The following HOMER2 variants were observed in gnomAD, a reference collection of about 807,000 sequenced individuals.
The protein encoded by HOMER2 is homer protein homolog 2.
In HOMER2, 27 loss-of-function variants were observed where a neutral mutation model predicts 47.0. That is an observed-to-expected ratio of 0.57 (90% confidence interval 0.42 to 0.79). HOMER2 has a LOEUF of 0.79. HOMER2 is among the 30% of genes least tolerant of loss of function. The pLI, the probability that HOMER2 is intolerant of heterozygous loss-of-function variation, is 0.00. For synonymous variants in HOMER2, 161 were observed against 163.8 expected (o/e 0.98, Z 0.13); for missense variants, 443 against 435.0 (o/e 1.02, Z -0.16).
intron 6 of HOMER2, 87 bp downstream of exon 6, chr15:82,854,557 G>C (rs1480393706): frequency 1.4e-6 from 2 of 1,404,620 alleles, no homozygotes; most frequent in African/African-American, 1.4e-5. Context: ...GGCAAAGTTG[G>C]GGAGGGAGAA....
chr15:82,869,403 TATG>T (rs1378783988), intron 3 of HOMER2, among the ~76,000 whole-genome samples: 2 of 150,686 alleles, frequency 1.3e-5, no homozygotes, highest in African/African-American at 4.9e-5. Context: ...AAATAAACAA[TATG>T]ATATTAATAC....
chr15:82,901,293 T>C (rs1158233242), intron 1 of HOMER2, among the ~76,000 whole-genome samples: 2 of 151,788 alleles, frequency 1.3e-5, no homozygotes, highest in East Asian at 1.9e-4. Context: ...GGAAAACAAA[T>C]ACAGGCAAAG....
At chr15:82,855,319 C>G (rs763641725) in intron 5 of HOMER2, among the ~76,000 whole-genome samples, 34 of 89,286 alleles carry the variant, frequency 3.8e-4, no homozygotes, top group Non-Finnish European at 6.1e-4. Context: ...AGCGAGACTC[C>G]ATCTCCAAAA....
rs1031679677 is a variant in HOMER2 at position 82,849,362 on chromosome 15, T to C, written c.*353A>G. 1.9e-5 allele frequency: 4 copies of C among 213,356 alleles called. No individual in the cohort carries two copies. The highest frequency in any genetic ancestry group is 9.1e-5 in the African/African-American group (4 of 43,728). The allele number at this position is 213,356 out of a possible 1,614,324, so 13.2% of individuals were successfully genotyped here. A position where few individuals can be genotyped will look rare whatever the true frequency, so the allele number is the denominator to read the frequency against. Reference sequence around the variant, plus strand: ...ATAAAAGGAGCCTGATGGCTTGGTGTAAAGAATATCAATATTTGGATTACA... The same window carrying C: ...ATAAAAGGAGCCTGATGGCTTGGTGCAAAGAATATCAATATTTGGATTACA... On this transcript the variant is annotated 3_prime_UTR_variant, in exon 9 of 9. Coordinates refer to ENST00000450735, the MANE Select transcript of HOMER2 (RefSeq NM_004839.4).
chr15:82,952,314 G>A (rs944696643), intron 1 of HOMER2, among the ~76,000 whole-genome samples: 1 of 152,184 alleles, frequency 6.6e-6, no homozygotes, highest in Non-Finnish European at 1.5e-5. Context: ...CACGGGCTCC[G>A]CGCCCAGGCC....
chr15:82,860,548 C>T (rs2051741058), intron 4 of HOMER2, among the ~76,000 whole-genome samples: 1 of 151,930 alleles, frequency 6.6e-6, no homozygotes, highest in Non-Finnish European at 1.5e-5. Context: ...AAGATTAACA[C>T]CTTAACTTAA....
At chr15:82,908,230 TATGTATTTATACATTCATTGTATAATGA>T (rs1199967668) in intron 1 of HOMER2, among the ~76,000 whole-genome samples, 1 of 152,168 alleles carries the variant, frequency 6.6e-6, no homozygotes, top group Non-Finnish European at 1.5e-5. Context: ...AATCAATGAA[TATGTATTTATACATTCATTGTATAATGA>T]ATGTATATTA....
chr15:82,958,862 A>G (rs558873340), exon 2 of HOMER2: 2 of 152,560 alleles, frequency 1.3e-5, no homozygotes, highest in South Asian at 4.1e-4. Context: ...CAATTCCAAG[A>G]GGCAAAAATA....
At chr15:82,967,193 G>A (rs1355775197) in intron 1 of HOMER2, among the ~76,000 whole-genome samples, 1 of 152,158 alleles carries the variant, frequency 6.6e-6, no homozygotes, top group Admixed American at 6.5e-5. Context: ...CAAGGCTGTA[G>A]TGAGCTATGA....
intron 1 of HOMER2, among the ~76,000 whole-genome samples, chr15:82,941,163 G>A (rs899268250): frequency 2.0e-5 from 3 of 151,508 alleles, no homozygotes; most frequent in Non-Finnish European, 4.4e-5. Context: ...AATTTTCCTG[G>A]CTGGGTACAG....
chr15:82,889,505 AAGG>A (rs2052643124), intron 2 of HOMER2, among the ~76,000 whole-genome samples: 1 of 152,244 alleles, frequency 6.6e-6, no homozygotes, highest in Non-Finnish European at 1.5e-5. Flanking sequence ...AAGAGCCCAT[AAGG>A]AGAAGGCACT....
upstream of HOMER2, among the ~76,000 whole-genome samples, chr15:82,954,930 C>T (rs991846288): frequency 2.0e-5 from 3 of 151,972 alleles, no homozygotes; most frequent in East Asian, 3.9e-4. Flanking sequence ...AGGCGCGCAC[C>T]ACCACCCCAG....
chr15:82,852,148 C>A lies in HOMER2; in HGVS notation c.756G>T (p.Lys252Asn). The change falls in exon 7 of 9, where the codon AAG becomes AAT. Residue 252 changes from lysine to asparagine, a missense_variant. Physicochemically the swap from Lys to Asn is moderately conservative, Grantham distance 94. Coordinates refer to ENST00000450735, the MANE Select transcript of HOMER2 (RefSeq NM_004839.4). ...IEELEAELRE[K>N]ETELKDLRKQ... ...TCGGAGCACCATTACTCACTGTCTC[C>A]TTTTCTCGGAGCTCTGCCTCCAGCT... The A allele has an allele frequency of 6.2e-7, 1 of 1,612,782 alleles. No homozygotes were observed.
intron 2 of HOMER2, among the ~76,000 whole-genome samples, chr15:82,889,456 G>T (rs1433130625): frequency 6.6e-6 from 1 of 152,204 alleles, no homozygotes; most frequent in African/African-American, 2.4e-5. Context: ...CAAGCCGACT[G>T]AACAGAGATG....
At chr15:82,866,661 C>T (rs559498807) in intron 3 of HOMER2, among the ~76,000 whole-genome samples, 26 of 152,222 alleles carry the variant, frequency 1.7e-4, no homozygotes, top group East Asian at 3.9e-4. Flanking sequence ...ATCATCGGGG[C>T]GGGTCTCTCC....
At chr15:82,930,775 A>C (rs930499929) in intron 1 of HOMER2, among the ~76,000 whole-genome samples, 7 of 152,128 alleles carry the variant, frequency 4.6e-5, no homozygotes. Flanking sequence ...CCTGTAATCC[A>C]AGAACTTTGG....
chr15:82,932,943 T>C (rs1291394026), intron 1 of HOMER2, among the ~76,000 whole-genome samples: 2 of 151,880 alleles, frequency 1.3e-5, no homozygotes, highest in East Asian at 3.9e-4. Flanking sequence ...CCCCACTGGG[T>C]GGGTCCACAT....
At chr15:82,897,855 G>A (rs2052985404) in intron 1 of HOMER2, among the ~76,000 whole-genome samples, 1 of 152,122 alleles carries the variant, frequency 6.6e-6, no homozygotes, top group African/African-American at 2.4e-5. Context: ...CTCCAACCCT[G>A]GTCAACACCT....
intron 1 of HOMER2, among the ~76,000 whole-genome samples, chr15:82,979,725 G>A (rs1033726044): frequency 3.3e-5 from 5 of 152,254 alleles, no homozygotes; most frequent in Middle Eastern, 3.4e-3. Flanking sequence ...CAGGATGGCT[G>A]CTAGGTTTCT....
Sources: gnomAD v4.1 joint callset for allele counts (sites outside exome capture counted in the v4.1 genomes callset) on GRCh38, gnomAD v4.1.1 for gene constraint, MANE v1.5 for transcripts, NCBI Gene and HGNC (gene_info 2026-07-23, HGNC 2026-07-21) for gene names.